Variants in ANKRD6 observed in about 807,000 individuals in gnomAD.
The protein encoded by ANKRD6 is ankyrin repeat domain-containing protein 6.
A neutral mutation model predicts 82.3 loss-of-function variants in ANKRD6; 56 were observed. The ratio of observed to expected loss-of-function variants is 0.68; its 90% CI spans 0.55 to 0.85. ANKRD6 has a LOEUF of 0.85. Among genes scored for constraint, ANKRD6 ranks in the 40% least tolerant of loss-of-function variants. ANKRD6 has a pLI of 0.00. For synonymous variants in ANKRD6, 347 were observed against 352.1 expected (o/e 0.99, Z 0.16); for missense variants, 852 against 907.6 (o/e 0.94, Z 0.79).
chr6:89,548,321 T>C (rs1425871627), intron 1 of ANKRD6, among the ~76,000 whole-genome samples: 3 of 152,364 alleles, frequency 2.0e-5, no homozygotes, highest in African/African-American at 7.2e-5. Context: ...TTACATAGTT[T>C]AATTTTTCAA....
intron 1 of ANKRD6, among the ~76,000 whole-genome samples, chr6:89,512,086 T>C (rs1213001712): frequency 6.6e-6 from 1 of 152,164 alleles, no homozygotes; most frequent in Non-Finnish European, 1.5e-5. Flanking sequence ...GTCTTAGGTA[T>C]GCTCCTGATT....
At chr6:89,535,594 A>C (rs1447787535) in intron 1 of ANKRD6, among the ~76,000 whole-genome samples, 1 of 152,206 alleles carries the variant, frequency 6.6e-6, no homozygotes, top group African/African-American at 2.4e-5. Context: ...GGGCAGCTCT[A>C]CAGAGAACTC....
At chr6:89,471,359 C>CAAAA (rs568718441) in intron 1 of ANKRD6, among the ~76,000 whole-genome samples, 33 of 57,006 alleles carry the variant, frequency 5.8e-4, no homozygotes, top group African/African-American at 1.2e-3. Flanking sequence ...ACAACAACAA[C>CAAAA]AAAAAAAAAA....
intron 1 of ANKRD6, among the ~76,000 whole-genome samples, chr6:89,479,393 A>G (rs1185417873): frequency 6.6e-6 from 1 of 152,220 alleles, no homozygotes; most frequent in East Asian, 1.9e-4. Context: ...TGAGACAAGA[A>G]TATGAAACCA....
intron 2 of ANKRD6, among the ~76,000 whole-genome samples, chr6:89,580,359 C>G (rs1792228251): frequency 2.6e-5 from 4 of 151,964 alleles, no homozygotes. Flanking sequence ...CTACTGTACT[C>G]CAATATGAAC....
At position 89,624,643 on chromosome 6, in the gene ANKRD6, C is replaced by T; in HGVS notation, c.1323C>T (p.Asp441=). 1 of 1,594,214 alleles carries T rather than the reference C, an allele frequency of 6.3e-7. No individual in the cohort carries two copies. The highest frequency in any genetic ancestry group is 8.5e-7 in the Non-Finnish European group (1 of 1,170,032). The change falls in exon 13 of 16, where the codon GAC becomes GAT. Residue 441 remains aspartate (D), a synonymous_variant. Transcript: ENST00000339746. ...EIKAELGSVQ[D]KMNTKLGQME... ...AAGCAGAGCTGGGATCGGTTCAGGACAAAATGAATACAAAGCTGGGGCAGA... is the reference window on the plus strand; with the variant it reads ...AAGCAGAGCTGGGATCGGTTCAGGATAAAATGAATACAAAGCTGGGGCAGA...
At chr6:89,547,456 G>A (rs930146354) in intron 1 of ANKRD6, among the ~76,000 whole-genome samples, 4 of 152,174 alleles carry the variant, frequency 2.6e-5, no homozygotes, top group African/African-American at 9.7e-5. Flanking sequence ...CATCAGGTGT[G>A]GTGTCTTGTT....
intron 10 of ANKRD6, among the ~76,000 whole-genome samples, chr6:89,623,041 G>T: frequency 7.0e-6 from 1 of 142,710 alleles, no homozygotes; most frequent in Non-Finnish European, 1.5e-5. Flanking sequence ...CGGGAGGGGG[G>T]CTGCATCCGA....
chr6:89,563,531 T>C (rs1787824756), intron 1 of ANKRD6, among the ~76,000 whole-genome samples: 1 of 152,194 alleles, frequency 6.6e-6, no homozygotes, highest in Admixed American at 6.5e-5. Context: ...GGGAAGTATC[T>C]TGAATGATAG....
intron 1 of ANKRD6, among the ~76,000 whole-genome samples, chr6:89,462,998 A>C (rs1774384307): frequency 6.6e-6 from 1 of 151,482 alleles, no homozygotes; most frequent in African/African-American, 2.4e-5. Flanking sequence ...AAGTAGGACT[A>C]TAGTCATGTG....
chr6:89,554,392 A>G (rs1786281726), intron 1 of ANKRD6, among the ~76,000 whole-genome samples: 1 of 151,126 alleles, frequency 6.6e-6, no homozygotes, highest in African/African-American at 2.4e-5. Flanking sequence ...TAAAGGACAC[A>G]TGTGACTACC....
At chr6:89,585,239 A>C (rs1049502011) in intron 2 of ANKRD6, among the ~76,000 whole-genome samples, 11 of 152,330 alleles carry the variant, frequency 7.2e-5, no homozygotes, top group Middle Eastern at 3.4e-3. Flanking sequence ...TCTAAAAAAA[A>C]CCAAGAGCTA....
intron 1 of ANKRD6, among the ~76,000 whole-genome samples, chr6:89,537,054 G>C (rs1191885192): frequency 2.6e-5 from 4 of 152,118 alleles, no homozygotes; most frequent in African/African-American, 9.7e-5. Context: ...ACAGATGAGA[G>C]AGTTTGTGAT....
intron 1 of ANKRD6, among the ~76,000 whole-genome samples, chr6:89,449,946 A>G (rs967741909): frequency 4.6e-5 from 7 of 152,230 alleles, no homozygotes; most frequent in African/African-American, 7.2e-5. Flanking sequence ...TGATAAAGCA[A>G]CCACTGGGCT....
intron 1 of ANKRD6, among the ~76,000 whole-genome samples, chr6:89,503,418 TG>T (rs1205358702): frequency 1.3e-5 from 2 of 152,172 alleles, no homozygotes; most frequent in Admixed American, 6.5e-5. Flanking sequence ...ATAAAGCCCC[TG>T]GGCTGTAGAA....
intron 2 of ANKRD6, among the ~76,000 whole-genome samples, chr6:89,574,750 A>T (rs947030969): frequency 2.0e-5 from 3 of 152,132 alleles, no homozygotes; most frequent in African/African-American, 7.2e-5. Context: ...TTCCCTTAGA[A>T]AGTGTCAAAA....
intron 2 of ANKRD6, among the ~76,000 whole-genome samples, chr6:89,581,845 G>A (rs1173525675): frequency 6.6e-6 from 1 of 152,240 alleles, no homozygotes; most frequent in East Asian, 1.9e-4. Flanking sequence ...ATGCAGGGCT[G>A]CTGCAGTGCT....
chr6:89,526,561 C>G (rs939724889), intron 1 of ANKRD6, among the ~76,000 whole-genome samples: 6 of 152,144 alleles, frequency 3.9e-5, no homozygotes, highest in South Asian at 2.1e-4. Flanking sequence ...GAAACATATG[C>G]CCTGTTTACC....
At chr6:89,611,477 C>T (rs1179901) in intron 5 of ANKRD6, among the ~76,000 whole-genome samples, 30,839 of 152,258 alleles carry the variant, frequency 0.2, 3,626 homozygotes, top group African/African-American at 0.32. Flanking sequence ...AGCGGCCTCA[C>T]ATGCCCTACT....
Sources: allele counts gnomAD v4.1 joint callset (sites outside exome capture counted in the v4.1 genomes callset), GRCh38; gene constraint gnomAD v4.1.1; transcripts MANE v1.5; gene names NCBI Gene and HGNC (gene_info 2026-07-23, HGNC 2026-07-21).